The following NPAS3 variants were observed in gnomAD, a reference collection of about 807,000 sequenced individuals.
The protein encoded by NPAS3 is neuronal PAS domain-containing protein 3.
NPAS3 carries 14 observed loss-of-function variants against 73.1 expected under a neutral mutation model. That is an observed-to-expected ratio of 0.19 (90% CI 0.13 to 0.30). The LOEUF (loss-of-function observed/expected upper bound fraction) is 0.30, where lower values mean the gene tolerates loss of function less well. NPAS3 is among the 10% of genes least tolerant of loss of function. The probability of loss-of-function intolerance (pLI) is 1.00; values close to 1 mark genes in which losing one functional copy is unlikely to be tolerated. For missense variants in NPAS3, 1,096 were observed against 1,250.0 expected (o/e 0.88, Z 1.86); for synonymous variants, 620 against 541.5 (o/e 1.14, Z -2.01).
At chr14:33,501,636 T>TG (rs1395853385) in intron 4 of NPAS3, among the ~76,000 whole-genome samples, 1 of 151,562 alleles carries the variant, frequency 6.6e-6, no homozygotes, top group Non-Finnish European at 1.5e-5. Flanking sequence ...ATTTGTTTTT[T>TG]TTTTTTTTAC....
intron 4 of NPAS3, among the ~76,000 whole-genome samples, chr14:33,547,517 C>T (rs891108637): frequency 2.0e-5 from 3 of 152,124 alleles, no homozygotes; most frequent in Admixed American, 6.5e-5. Flanking sequence ...CATACAAATA[C>T]ATTTAGAGTA....
At chr14:33,392,566 A>G (rs571434206) in intron 4 of NPAS3, among the ~76,000 whole-genome samples, 17 of 152,308 alleles carry the variant, frequency 1.1e-4, no homozygotes, top group African/African-American at 3.4e-4. Flanking sequence ...ATTTATCAAC[A>G]TAAGACTTGA....
chr14:32,976,716 A>G (rs1370672193), intron 1 of NPAS3, among the ~76,000 whole-genome samples: 1 of 152,224 alleles, frequency 6.6e-6, no homozygotes. Context: ...AGAGCACAGC[A>G]AAAGATTGAG....
rs555889915 is a variant in NPAS3 at position 33,249,186 on chromosome 14, C to T, written c.385+33760C>T. Among the ~76,000 whole-genome samples the T allele has an allele frequency of 2.0e-5, 3 of 152,156 alleles. No homozygotes were observed. The South Asian group carries it at 6.2e-4, about 32-fold the overall frequency. ...ACTCATTTTTATTGAGTAAGTAGGG[C>T]AGGGGATTTAAGATTATGTAAACAC... On this transcript the variant is annotated intron_variant, in intron 3 of 11. Coordinates refer to ENST00000356141, the Ensembl canonical transcript of NPAS3.
intron 2 of NPAS3, among the ~76,000 whole-genome samples, chr14:33,136,425 C>T (rs1469811068): frequency 1.3e-5 from 2 of 152,140 alleles, no homozygotes; most frequent in Non-Finnish European, 2.9e-5. Context: ...CAACCATGTC[C>T]ATGATAACCT....
chr14:33,075,224 T>C (rs995228914), intron 2 of NPAS3, among the ~76,000 whole-genome samples: 1 of 152,192 alleles, frequency 6.6e-6, no homozygotes, highest in Non-Finnish European at 1.5e-5. Context: ...AAAAATATCT[T>C]GGTTAACAGG....
At chr14:33,489,199 C>T (rs972658804) in intron 4 of NPAS3, among the ~76,000 whole-genome samples, 4 of 151,866 alleles carry the variant, frequency 2.6e-5, no homozygotes, top group South Asian at 2.1e-4. Context: ...ATTGACAGAC[C>T]GAACACAAAT....
chr14:33,767,599 C>T (rs369613907), intron 7 of NPAS3, among the ~76,000 whole-genome samples: 10 of 138,630 alleles, frequency 7.2e-5, no homozygotes, highest in Admixed American at 1.4e-4. Flanking sequence ...GGACTCTTGT[C>T]TTTTTTTTTT....
chr14:33,252,640 AT>A lies in NPAS3; in HGVS notation c.385+37224del, dbSNP rs11431774. 2.4e-3 allele frequency among the ~76,000 whole-genome samples: 359 copies of A among 148,514 alleles called. 7 individuals are homozygous for A. The East Asian group carries it at 0.044, about 18-fold the overall frequency. On this transcript the variant is annotated intron_variant, in intron 3 of 11. Transcript: ENST00000356141. ...ATTTGATTTCTGAAAATAGTTATCT[AT>A]TTTTTTTTTAATTTCAGATTCAGGG...
chr14:33,235,805 CTTTTTTTTTTTTT>C (rs35968798), intron 3 of NPAS3, among the ~76,000 whole-genome samples: 6 of 80,630 alleles, frequency 7.4e-5, no homozygotes, highest in African/African-American at 3.0e-4. Flanking sequence ...TGATACAATT[CTTTTTTTTTTTTT>C]TTTTTTTTTT....
intron 6 of NPAS3, among the ~76,000 whole-genome samples, chr14:33,685,091 G>C (rs527788866): frequency 1.3e-5 from 2 of 152,176 alleles, no homozygotes; most frequent in Non-Finnish European, 2.9e-5. Flanking sequence ...GGATTGTGTA[G>C]ATTATTCAAC....
chr14:32,964,731 C>G (rs2037078080), intron 1 of NPAS3, among the ~76,000 whole-genome samples: 1 of 151,886 alleles, frequency 6.6e-6, no homozygotes, highest in African/African-American at 2.4e-5. Flanking sequence ...AATCCTAGCA[C>G]TTTGGGAGGC....
chr14:33,582,970 G>GTTTTGTTTTTTT (rs2056726966), intron 5 of NPAS3, among the ~76,000 whole-genome samples: 1 of 93,304 alleles, frequency 1.1e-5, no homozygotes, highest in Non-Finnish European at 1.8e-5. Context: ...TATTTAAAGG[G>GTTTTGTTTTTTT]TTTTTTTTTT....
intron 4 of NPAS3, among the ~76,000 whole-genome samples, chr14:33,466,628 A>G (rs2050537749): frequency 6.6e-6 from 1 of 152,164 alleles, no homozygotes; most frequent in Admixed American, 6.5e-5. Context: ...GCCATACAGA[A>G]AGCATAGTAG....
At chr14:33,202,868 G>T (rs2046674324) in intron 2 of NPAS3, among the ~76,000 whole-genome samples, 1 of 152,118 alleles carries the variant, frequency 6.6e-6, no homozygotes, top group East Asian at 1.9e-4. Context: ...GCTCAGGGCA[G>T]CTTGCAATTA....
intron 4 of NPAS3, among the ~76,000 whole-genome samples, chr14:33,442,656 G>T (rs561655478): frequency 6.6e-6 from 1 of 152,194 alleles, no homozygotes; most frequent in South Asian, 2.1e-4. Flanking sequence ...TGTGAAGAAG[G>T]ACTTGTTTGC....
intron 1 of NPAS3, among the ~76,000 whole-genome samples, chr14:32,964,160 TAAAAAAAA>T (rs34380538): frequency 2.7e-5 from 2 of 75,446 alleles, no homozygotes; most frequent in Non-Finnish European, 2.3e-5. Flanking sequence ...TTTGCTGCAC[TAAAAAAAA>T]AAAAAAAAAA....
chr14:33,247,643 G>T (rs1234180763), intron 3 of NPAS3, among the ~76,000 whole-genome samples: 1 of 152,122 alleles, frequency 6.6e-6, no homozygotes, highest in Non-Finnish European at 1.5e-5. Flanking sequence ...TTGTGTATTT[G>T]TCACAATTTC....
intron 2 of NPAS3, among the ~76,000 whole-genome samples, chr14:33,095,703 C>G (rs957815116): frequency 7.7e-6 from 1 of 129,372 alleles, no homozygotes; most frequent in African/African-American, 3.1e-5. Context: ...GAGTCTCGCT[C>G]TGTCGCCCAG....
Sources: gnomAD v4.1 joint callset for allele counts (sites outside exome capture counted in the v4.1 genomes callset) on GRCh38, gnomAD v4.1.1 for gene constraint, MANE v1.5 for transcripts, NCBI Gene and HGNC (gene_info 2026-07-23, HGNC 2026-07-21) for gene names.